Variants in OFD1 observed in about 807,000 individuals in gnomAD.
OFD1 encodes OFD1 centriole and centriolar satellite protein.
Under a neutral mutation model 81.4 loss-of-function variants are expected in OFD1, and 12 were observed. That is an observed-to-expected ratio of 0.15 (90% confidence interval 0.09 to 0.24). The LOEUF (loss-of-function observed/expected upper bound fraction) is 0.24, where lower values mean the gene tolerates loss of function less well. Ranked by LOEUF, OFD1 falls within the 10% of genes least tolerant of loss-of-function variation. The pLI, the probability that OFD1 is intolerant of heterozygous loss-of-function variation, is 1.00. For missense variants in OFD1, 685 were observed against 733.9 expected, an observed-to-expected ratio of 0.93 and a Z score of 0.77; for synonymous variants, 256 against 263.7, an observed-to-expected ratio of 0.97 and a Z score of 0.28.
chrX:13,736,803 C>T (rs923741914), intron 3 of OFD1, 125 bp downstream of exon 3: 1 of 504,498 alleles, frequency 2.0e-6, no homozygotes, highest in Admixed American at 3.2e-5. Flanking sequence ...TCTTTGAATT[C>T]ACATTGTACC....
intron 8 of OFD1, 119 bp downstream of exon 8, chrX:13,747,072 C>A (rs1377919798): frequency 3.0e-6 from 2 of 670,387 alleles, no homozygotes; most frequent in Non-Finnish European, 4.8e-6. Flanking sequence ...GCAATAGGGA[C>A]TGGGGCCAAG....
upstream of OFD1, among the ~76,000 whole-genome samples, chrX:13,730,923 G>C (rs1486236418): frequency 9.4e-6 from 1 of 106,879 alleles, no homozygotes; most frequent in African/African-American, 3.4e-5. Flanking sequence ...GTCAGGGGGT[G>C]GGGGGCTGGG....
At chrX:13,744,146 C>T (rs776805749) in intron 5 of OFD1, among the ~76,000 whole-genome samples, 14 of 110,711 alleles carry the variant, frequency 1.3e-4, no homozygotes, top group Non-Finnish European at 2.3e-4. Flanking sequence ...ATTAGCTGGG[C>T]GTGGTGGGTG....
At chrX:13,733,906 C>G, upstream of OFD1, 1 of 435,469 alleles carries the variant, frequency 2.3e-6, no homozygotes, top group Non-Finnish European at 4.1e-6. Context: ...ACCACCTCCC[C>G]TTTAAACTCT....
chrX:13,747,953 C>T (rs1438818554), intron 8 of OFD1, among the ~76,000 whole-genome samples: 1 of 111,325 alleles, frequency 9.0e-6, no homozygotes, highest in Non-Finnish European at 1.9e-5. Context: ...TTCCCAAGGG[C>T]GTGTCTTAGA....
chrX:13,752,802 A>G (rs762866141), intron 10 of OFD1: 8 of 967,717 alleles, frequency 8.3e-6, no homozygotes, highest in East Asian at 7.6e-5. Context: ...GAGTGCTTCT[A>G]TTTCCTTTTG....
intron 17 of OFD1, 35 bp downstream of exon 17, chrX:13,761,246 GAAT>G: frequency 8.4e-7 from 1 of 1,195,870 alleles, no homozygotes; most frequent in East Asian, 3.0e-5. Flanking sequence ...AGCTTCAGCT[GAAT>G]AATGTTACTT....
intron 17 of OFD1, among the ~76,000 whole-genome samples, chrX:13,761,482 C>T (rs1023491218): frequency 9.0e-6 from 1 of 111,724 alleles, no homozygotes; most frequent in African/African-American, 3.3e-5. Flanking sequence ...TATTAATAAG[C>T]ATCTTCCTAG....
upstream of OFD1, chrX:13,734,187 T>C: frequency 2.0e-6 from 1 of 490,053 alleles, no homozygotes; most frequent in South Asian, 2.8e-5. Flanking sequence ...AAGGTGATAC[T>C]GACAAAATAG....
the OFD1 span, among the ~76,000 whole-genome samples, chrX:13,717,693 CA>C: frequency 1.8e-5 from 2 of 111,247 alleles, no homozygotes; most frequent in Admixed American, 1.9e-4. Context: ...GAGCCGAGAT[CA>C]CGCCATTGCA....
At chrX:13,742,658 G>C (rs912796363) in intron 5 of OFD1, among the ~76,000 whole-genome samples, 2 of 111,080 alleles carry the variant, frequency 1.8e-5, no homozygotes, top group South Asian at 3.8e-4. Flanking sequence ...TGAGTAGCTG[G>C]AACTACAGGC....
downstream of OFD1, chrX:13,771,482 C>T (rs1416055165): frequency 9.0e-6 from 1 of 111,660 alleles, no homozygotes; most frequent in Non-Finnish European, 1.9e-5. Flanking sequence ...ATTTTAATAG[C>T]ATCTTGATAA....
chrX:13,759,847 T>C (rs2047858241), intron 15 of OFD1, among the ~76,000 whole-genome samples: 1 of 112,120 alleles, frequency 8.9e-6, no homozygotes, highest in Admixed American at 9.4e-5. Flanking sequence ...ATGAATAAAT[T>C]TTCAGTTCTC....
chrX:13,758,994 G>T (rs1039475288), intron 15 of OFD1, among the ~76,000 whole-genome samples: 2 of 111,572 alleles, frequency 1.8e-5, no homozygotes, highest in Non-Finnish European at 3.8e-5. Context: ...AGATGAAATG[G>T]GTTTCAGTCC....
chrX:13,773,265 C>A, downstream of OFD1: 1 of 266,882 alleles, frequency 3.7e-6, no homozygotes, highest in Non-Finnish European at 6.6e-6. Flanking sequence ...AAAAAATGGC[C>A]AAAGGTATTG....
chrX:13,765,821 C>T (rs1254579621), intron 19 of OFD1, among the ~76,000 whole-genome samples: 3 of 111,819 alleles, frequency 2.7e-5, no homozygotes, highest in South Asian at 7.5e-4. Context: ...ATGGACCTTG[C>T]CTGGAAGGAA....
chrX:13,738,912 C>G lies in OFD1; in HGVS notation c.379C>G (p.Leu127Val). 3 of 1,185,597 alleles carry G rather than the reference C, an allele frequency of 2.5e-6. No homozygotes were observed. The highest frequency in any genetic ancestry group is 2.3e-6 in the Non-Finnish European group (2 of 872,673). ...INPTSSLYKSLVSGSDKENQK... is the reference protein window; with the variant it reads ...INPTSSLYKSVVSGSDKENQK... ...CCCTACTTCCAGTCTCTACAAATCA[C>G]TGGTAAGATGGCTTAGTTTCTGTAA... Residue 127 changes from leucine to valine, a missense_variant and splice_region_variant, in exon 4 of 23, where the codon CTG becomes GTG. This residue lies in a region of OFD1 where 414 missense variants were observed against 447.2 expected (regional missense o/e 0.93). Coordinates refer to ENST00000340096, the MANE Select transcript of OFD1 (RefSeq NM_003611.3).
At chrX:13,731,175 G>A (rs2046669458), upstream of OFD1, among the ~76,000 whole-genome samples, 4 of 112,237 alleles carry the variant, frequency 3.6e-5, no homozygotes, top group Admixed American at 2.8e-4. Flanking sequence ...GCTGATCAGT[G>A]ACATTTGAGA....
the OFD1 span, among the ~76,000 whole-genome samples, chrX:13,715,040 A>G: frequency 1.8e-5 from 2 of 112,869 alleles, no homozygotes; most frequent in African/African-American, 6.4e-5. Context: ...TGATTTTTAT[A>G]CCTTAATCAC....
Sources: allele counts gnomAD v4.1 joint callset (sites outside exome capture counted in the v4.1 genomes callset), GRCh38; gene constraint gnomAD v4.1.1; regional missense constraint gnomAD v4.1.1; transcripts MANE v1.5; gene names NCBI Gene and HGNC (gene_info 2026-07-23, HGNC 2026-07-21).